FSIP1: variants seen among roughly 807,000 people sequenced by gnomAD.
FSIP1 encodes fibrous sheath-interacting protein 1.
A neutral mutation model predicts 60.9 loss-of-function variants in FSIP1; 65 were observed. The ratio of observed to expected loss-of-function variants is 1.07; its 90% CI spans 0.87 to 1.31. The LOEUF (loss-of-function observed/expected upper bound fraction) is 1.31. Among genes scored for constraint, FSIP1 ranks in the 40% most tolerant of loss-of-function variants. The pLI is 0.00. For missense variants in FSIP1, 675 were observed against 665.5 expected, an observed-to-expected ratio of 1.01 and a Z score of -0.16; for synonymous variants, 209 against 221.2, an observed-to-expected ratio of 0.94 and a Z score of 0.49.
intron 7 of FSIP1, 79 bp from the exon 8 acceptor site, chr15:39,738,280 T>G: frequency 1.1e-6 from 1 of 878,260 alleles, no homozygotes; most frequent in South Asian, 1.6e-5. Context: ...AATCTGAGAC[T>G]TCTACACTAC....
intron 9 of FSIP1, among the ~76,000 whole-genome samples, chr15:39,723,251 C>T (rs954255086): frequency 6.6e-6 from 1 of 152,110 alleles, no homozygotes; most frequent in Non-Finnish European, 1.5e-5. Flanking sequence ...TTTTTTGAAA[C>T]AGAGTCCCGC....
intron 10 of FSIP1, among the ~76,000 whole-genome samples, chr15:39,669,915 G>A (rs1026347036): frequency 1.3e-5 from 2 of 152,190 alleles, no homozygotes; most frequent in Non-Finnish European, 2.9e-5. Context: ...TACAACTAGT[G>A]TCACTTAATT....
chr15:39,654,767 G>T (rs1263236787), intron 10 of FSIP1, among the ~76,000 whole-genome samples: 1 of 152,210 alleles, frequency 6.6e-6, no homozygotes, highest in African/African-American at 2.4e-5. Context: ...GCTCTCATGT[G>T]CTCATGGACT....
At chr15:39,669,487 T>C (rs1893634051) in intron 10 of FSIP1, among the ~76,000 whole-genome samples, 1 of 152,212 alleles carries the variant, frequency 6.6e-6, no homozygotes, top group South Asian at 2.1e-4. Flanking sequence ...CTTAATTACA[T>C]ATTTGAAGTG....
intron 9 of FSIP1, among the ~76,000 whole-genome samples, chr15:39,716,200 C>T (rs997305445): frequency 6.6e-6 from 1 of 152,140 alleles, no homozygotes; most frequent in African/African-American, 2.4e-5. Context: ...TATAAACTTT[C>T]ATGAAGATAC....
intron 10 of FSIP1, among the ~76,000 whole-genome samples, chr15:39,635,412 T>C (rs1268103359): frequency 2.6e-5 from 4 of 152,158 alleles, no homozygotes; most frequent in Non-Finnish European, 5.9e-5. Flanking sequence ...CTAGAAACTT[T>C]ATCCTGAAGA....
At chr15:39,732,144 T>C (rs1896428771) in intron 8 of FSIP1, among the ~76,000 whole-genome samples, 2 of 152,120 alleles carry the variant, frequency 1.3e-5, no homozygotes, top group Non-Finnish European at 2.9e-5. Context: ...ACAACAGGGT[T>C]CGTGCTTCTG....
intron 10 of FSIP1, among the ~76,000 whole-genome samples, chr15:39,673,981 T>A (rs1266453826): frequency 1.3e-5 from 2 of 152,056 alleles, no homozygotes; most frequent in African/African-American, 4.8e-5. Flanking sequence ...TAATAAAATT[T>A]TATATAAATC....
intron 10 of FSIP1, among the ~76,000 whole-genome samples, chr15:39,696,344 A>G (rs564405073): frequency 1.3e-5 from 2 of 152,326 alleles, no homozygotes; most frequent in African/African-American, 4.8e-5. Context: ...CAAATGGGCA[A>G]TGCACTGAAG....
At chr15:39,765,400 C>T (rs1897649256) in intron 4 of FSIP1, among the ~76,000 whole-genome samples, 192 bp downstream of exon 4, 1 of 151,948 alleles carries the variant, frequency 6.6e-6, no homozygotes, top group African/African-American at 2.4e-5. Context: ...ACTACCATGC[C>T]TGGCTAATTT....
At chr15:39,713,335 G>A in intron 10 of FSIP1, 109 bp downstream of exon 10, 1 of 912,912 alleles carries the variant, frequency 1.1e-6, no homozygotes, top group East Asian at 2.7e-5. Flanking sequence ...GGCAGGCTGA[G>A]GTGGGCAGGT....
At chr15:39,613,961 G>C (rs1012889867) in intron 11 of FSIP1, among the ~76,000 whole-genome samples, 5 of 152,158 alleles carry the variant, frequency 3.3e-5, no homozygotes, top group African/African-American at 1.2e-4. Flanking sequence ...CATAATAAAG[G>C]CCATATAAGA....
intron 10 of FSIP1, among the ~76,000 whole-genome samples, chr15:39,622,511 C>A (rs1420394544): frequency 6.6e-6 from 1 of 152,222 alleles, no homozygotes; most frequent in Non-Finnish European, 1.5e-5. Flanking sequence ...ATCTGGTTGG[C>A]ACACTAGGTT....
At chr15:39,615,186 T>C (rs1478898183) in intron 11 of FSIP1, among the ~76,000 whole-genome samples, 1 of 152,052 alleles carries the variant, frequency 6.6e-6, no homozygotes, top group African/African-American at 2.4e-5. Context: ...ACAGGGGAAA[T>C]GCTCCATGAC....
intron 10 of FSIP1, among the ~76,000 whole-genome samples, chr15:39,685,682 T>C (rs1374523681): frequency 2.0e-5 from 3 of 152,242 alleles, no homozygotes; most frequent in South Asian, 4.1e-4. Context: ...AGGTATGTGC[T>C]TACTGAACAC....
intron 5 of FSIP1, among the ~76,000 whole-genome samples, chr15:39,750,617 C>A (rs1271464548): frequency 1.3e-5 from 2 of 151,708 alleles, no homozygotes; most frequent in Admixed American, 6.6e-5. Flanking sequence ...CTTATCTTAC[C>A]TCATACACAA....
At chr15:39,775,827 C>A (rs1898036071) in intron 2 of FSIP1, among the ~76,000 whole-genome samples, 1 of 152,126 alleles carries the variant, frequency 6.6e-6, no homozygotes, top group South Asian at 2.1e-4. Context: ...CCTGTGGAAC[C>A]ATGCAAACCT....
chr15:39,718,284 A>G (rs1251118013), intron 9 of FSIP1, among the ~76,000 whole-genome samples: 1 of 151,300 alleles, frequency 6.6e-6, no homozygotes, highest in Non-Finnish European at 1.5e-5. Context: ...ACACACACAA[A>G]TATAATTATA....
intron 10 of FSIP1, among the ~76,000 whole-genome samples, chr15:39,674,055 ATTTTT>A: frequency 6.9e-6 from 1 of 144,500 alleles, no homozygotes; most frequent in South Asian, 2.2e-4. Flanking sequence ...ACCCGATTTA[ATTTTT>A]TTTTTTTTTT....
Sources: gnomAD v4.1 joint callset for allele counts (sites outside exome capture counted in the v4.1 genomes callset) on GRCh38, gnomAD v4.1.1 for gene constraint, MANE v1.5 for transcripts, NCBI Gene and HGNC (gene_info 2026-07-23, HGNC 2026-07-21) for gene names.